Variants in ARID1B observed in about 807,000 individuals in gnomAD.
The protein encoded by ARID1B is AT-rich interaction domain 1B.
A neutral mutation model predicts 212.3 loss-of-function variants in ARID1B; 30 were observed. The ratio of observed to expected loss-of-function variants is 0.14; its 90% confidence interval spans 0.11 to 0.19. ARID1B has a LOEUF of 0.19. Among genes scored for constraint, ARID1B ranks in the 10% least tolerant of loss-of-function variants. ARID1B has a pLI of 1.00. For synonymous variants in ARID1B, 1,402 were observed against 1,301.7 expected (o/e 1.08, Z -1.66); for missense variants, 2,891 against 3,204.0 (o/e 0.90, Z 2.36).
At chr6:157,040,333 A>G (rs1217632083) in intron 4 of ARID1B, among the ~76,000 whole-genome samples, 3 of 152,210 alleles carry the variant, frequency 2.0e-5, no homozygotes, top group African/African-American at 7.2e-5. Flanking sequence ...AAGCACTGGG[A>G]AAGGTAACTC....
At chr6:157,178,291 A>G (rs745880880) in intron 11 of ARID1B, among the ~76,000 whole-genome samples, 1 of 152,156 alleles carries the variant, frequency 6.6e-6, no homozygotes, top group Non-Finnish European at 1.5e-5. Context: ...AAATGCTATC[A>G]CAGCCCTCCA....
At chr6:157,112,564 G>A (rs1004872310) in intron 6 of ARID1B, among the ~76,000 whole-genome samples, 8 of 152,122 alleles carry the variant, frequency 5.3e-5, no homozygotes, top group Non-Finnish European at 8.8e-5. Context: ...TCCCTTATTT[G>A]AAAGTCTTAA....
chr6:156,821,888 A>C (rs1007624383), intron 1 of ARID1B, among the ~76,000 whole-genome samples: 3 of 152,216 alleles, frequency 2.0e-5, no homozygotes, highest in Non-Finnish European at 4.4e-5. Context: ...TTTCTCAGTC[A>C]GTTAGGAGTG....
At chr6:157,146,669 C>T (rs116502026) in intron 7 of ARID1B, among the ~76,000 whole-genome samples, 5,317 of 152,282 alleles carry the variant, frequency 0.035, 320 homozygotes, top group African/African-American at 0.12. Context: ...CACACATACC[C>T]ATGTAGATGT....
chr6:156,857,998 G>A (rs1785068559), intron 2 of ARID1B, among the ~76,000 whole-genome samples: 2 of 152,204 alleles, frequency 1.3e-5, no homozygotes, highest in Non-Finnish European at 2.9e-5. Flanking sequence ...TGGGATGAAT[G>A]GATAAAGAAA....
intron 4 of ARID1B, among the ~76,000 whole-genome samples, chr6:157,051,713 ATATAAT>A (rs756764718): frequency 5.3e-5 from 8 of 152,346 alleles, no homozygotes; most frequent in East Asian, 1.9e-4. Flanking sequence ...GAATGTAAAA[ATATAAT>A]TAGAGAGTGT....
chr6:157,067,868 C>T (rs1430028871), intron 4 of ARID1B, among the ~76,000 whole-genome samples: 1 of 152,178 alleles, frequency 6.6e-6, no homozygotes, highest in Non-Finnish European at 1.5e-5. Context: ...TGGTCAGCTT[C>T]TCCATAGGTG....
At chr6:157,011,813 G>T (rs763062607) in intron 4 of ARID1B, among the ~76,000 whole-genome samples, 2 of 152,124 alleles carry the variant, frequency 1.3e-5, no homozygotes, top group Non-Finnish European at 2.9e-5. Context: ...TTTTCAAAAG[G>T]TACAGTTATT....
intron 1 of ARID1B, among the ~76,000 whole-genome samples, chr6:156,817,325 CAG>C (rs1477087600): frequency 6.6e-6 from 1 of 151,996 alleles, no homozygotes; most frequent in African/African-American, 2.4e-5. Context: ...GCCTGGGCAA[CAG>C]AGTGAGAGAA....
intron 6 of ARID1B, among the ~76,000 whole-genome samples, chr6:157,119,058 C>G (rs1469580911): frequency 1.3e-5 from 2 of 152,092 alleles, no homozygotes; most frequent in Non-Finnish European, 2.9e-5. Context: ...AGTGAAAAAC[C>G]GTTGTCTTTT....
At chr6:156,976,926 C>T in intron 4 of ARID1B, 1 of 555,184 alleles carries the variant, frequency 1.8e-6, no homozygotes, top group Non-Finnish European at 3.5e-6. Flanking sequence ...TGATGTGCAA[C>T]TCAAAGATCT....
At chr6:157,166,831 G>C (rs1256918529) in intron 8 of ARID1B, 2 of 484,132 alleles carry the variant, frequency 4.1e-6, no homozygotes, top group Non-Finnish European at 6.9e-6. Flanking sequence ...TGCAGAACTT[G>C]TAATATTTGG....
chr6:157,107,589 G>C (rs866686252), intron 5 of ARID1B: 1 of 152,284 alleles, frequency 6.6e-6, no homozygotes, highest in Middle Eastern at 3.4e-3. Flanking sequence ...GTTATCATTG[G>C]AGAATACAGA....
chr6:156,823,688 G>GTTTTTTTTTTTTTT (rs56983474), intron 1 of ARID1B, among the ~76,000 whole-genome samples: 2 of 118,032 alleles, frequency 1.7e-5, no homozygotes, highest in Non-Finnish European at 3.5e-5. Flanking sequence ...TTTCTTTGTT[G>GTTTTTTTTTTTTTT]TTTTTTTTTT....
chr6:157,048,478 A>G (rs552102815), intron 4 of ARID1B, among the ~76,000 whole-genome samples: 1 of 152,358 alleles, frequency 6.6e-6, no homozygotes, highest in South Asian at 2.1e-4. Flanking sequence ...ATTTCACATT[A>G]TAACTTAAAA....
At chr6:156,868,972 T>C (rs558641196) in intron 2 of ARID1B, among the ~76,000 whole-genome samples, 1 of 152,322 alleles carries the variant, frequency 6.6e-6, no homozygotes, top group South Asian at 2.1e-4. Flanking sequence ...TATTTGGGTA[T>C]GTAATTTTAA....
In ARID1B at chr6:156,804,330, C is replaced by T. The variant is rs548051876; in HGVS notation, c.1791+24859C>T. Among the ~76,000 whole-genome samples the T allele has an allele frequency of 9.5e-5, 14 of 147,244 alleles. No homozygotes were observed. In the South Asian group the frequency reaches 1.9e-3, roughly 20 times the overall value. ...CAGCCTGGGTGACAGAGCAAGACTCCGTCTCAAAAAAAAAGCAAAAAAAAA... is the reference window on the plus strand; with the variant it reads ...CAGCCTGGGTGACAGAGCAAGACTCTGTCTCAAAAAAAAAGCAAAAAAAAA... On this transcript the variant is annotated intron_variant, in intron 1 of 19. Transcript: ENST00000636930.
At chr6:157,065,350 G>A (rs534276247) in intron 4 of ARID1B, among the ~76,000 whole-genome samples, 120 of 152,128 alleles carry the variant, frequency 7.9e-4, no homozygotes, top group African/African-American at 2.8e-3. Context: ...TACCATAATC[G>A]GGATATATCA....
intron 2 of ARID1B, among the ~76,000 whole-genome samples, chr6:156,876,955 C>T (rs1272755120): frequency 1.3e-5 from 2 of 152,024 alleles, no homozygotes; most frequent in Non-Finnish European, 1.5e-5. Flanking sequence ...AGTGCAGTGG[C>T]GTGATCTCGG....
Sources: allele counts gnomAD v4.1 joint callset (sites outside exome capture counted in the v4.1 genomes callset), GRCh38; gene constraint gnomAD v4.1.1; transcripts MANE v1.5; gene names NCBI Gene and HGNC (gene_info 2026-07-23, HGNC 2026-07-21).